TPRX1: variants seen among roughly 807,000 people sequenced by gnomAD.
TPRX1 encodes the protein tetra-peptide repeat homeobox protein 1.
Under a neutral mutation model 8.1 loss-of-function variants are expected in TPRX1, and 2 were observed. The ratio of observed to expected loss-of-function variants is 0.25; its 90% CI spans 0.10 to 0.78. The LOEUF (loss-of-function observed/expected upper bound fraction) is 0.78, where lower values mean the gene tolerates loss of function less well. TPRX1 is among the 30% of genes least tolerant of loss of function. TPRX1 has a pLI of 0.70. For synonymous variants in TPRX1, 257 were observed against 254.1 expected (o/e 1.01, Z -0.11); for missense variants, 517 against 586.9 (o/e 0.88, Z 1.23).
intron 2 of TPRX1, among the ~76,000 whole-genome samples, chr19:47,816,817 C>A (rs1018935804): frequency 2.0e-5 from 3 of 152,188 alleles, no homozygotes; most frequent in Middle Eastern, 3.2e-3. Context: ...CAGGCGTGAG[C>A]CACCACGCCC....
rs575218080 is a variant in TPRX1, at chr19:47,803,487, G to T, written c.321+17C>A. On this transcript the variant is annotated intron_variant, in intron 3 of 3. Coordinates refer to ENST00000535759, the Ensembl canonical transcript of TPRX1. ...TTGGGGTGACTGGGGCGGGCAGGGT[G>T]GGGGTGGGGGTCAGACCTGCAGCTG... 21 of 1,408,894 alleles carry T rather than the reference G, an allele frequency of 1.5e-5. No individual in the cohort carries two copies. Among genetic ancestry groups the T allele is most frequent in the South Asian group, 3.6e-5 (3 of 82,414 alleles). The allele number at this position is 1,408,894 out of a possible 1,614,324, so 87.3% of individuals were successfully genotyped here. A position where few individuals can be genotyped will look rare whatever the true frequency, so the allele number is the denominator to read the frequency against.
chr19:47,801,564 C>A, exon 4 of TPRX1: 1 of 578,130 alleles, frequency 1.7e-6, no homozygotes, highest in East Asian at 3.1e-5. Context: ...CGACTCCAAT[C>A]CCAGCAGAGA....
At chr19:47,804,643 TCC>T (rs1278423899) in intron 2 of TPRX1, among the ~76,000 whole-genome samples, 92 bp from the exon 1 acceptor site, 1 of 129,480 alleles carries the variant, frequency 7.7e-6, no homozygotes, top group Non-Finnish European at 1.6e-5. Flanking sequence ...GCCGGGACCC[TCC>T]CTTTCCCACC....
chr19:47,816,188 C>A (rs1372875936), intron 2 of TPRX1, among the ~76,000 whole-genome samples: 1 of 151,554 alleles, frequency 6.6e-6, no homozygotes, highest in Non-Finnish European at 1.5e-5. Flanking sequence ...CATGCCTCAG[C>A]CTCCTGAGTA....
chr19:47,814,771 G>A (rs1212198004), intron 2 of TPRX1, among the ~76,000 whole-genome samples: 3 of 152,074 alleles, frequency 2.0e-5, no homozygotes, highest in African/African-American at 7.2e-5. Flanking sequence ...AGTAAAACAT[G>A]AAAAAGAATT....
At chr19:47,801,797 G>A (rs767955900) in exon 4 of TPRX1, 167 of 1,613,606 alleles carry the variant, frequency 1.0e-4, no homozygotes, top group Non-Finnish European at 1.4e-4. Context: ...TAATAACCTG[G>A]GGCCTGAGTG....
chr19:47,813,188 G>A (rs1047346898), intron 2 of TPRX1, among the ~76,000 whole-genome samples: 5 of 147,022 alleles, frequency 3.4e-5, no homozygotes, highest in African/African-American at 1.3e-4. Flanking sequence ...TTAGCCAGGC[G>A]GAGTGGCGTG....
exon 4 of TPRX1, chr19:47,802,718 G>T (rs535076712): frequency 1.3e-6 from 2 of 1,592,848 alleles, no homozygotes; most frequent in South Asian, 2.3e-5. Flanking sequence ...GGCAGGGATC[G>T]GGCCAGGGCC....
intron 2 of TPRX1, among the ~76,000 whole-genome samples, chr19:47,805,127 A>C (rs1328802047): frequency 6.6e-6 from 1 of 152,236 alleles, no homozygotes; most frequent in Non-Finnish European, 1.5e-5. Context: ...AGCTTAGTAC[A>C]CATTGGCCCT....
chr19:47,801,527 A>G, exon 4 of TPRX1: 1 of 467,042 alleles, frequency 2.1e-6, no homozygotes, highest in Non-Finnish European at 3.7e-6. Context: ...AGCAGCATCC[A>G]CTAATGCCAG....
At chr19:47,802,832 G>A (rs920129369) in exon 4 of TPRX1, 4 of 1,600,252 alleles carry the variant, frequency 2.5e-6, no homozygotes, top group Non-Finnish European at 3.4e-6. Flanking sequence ...AAGGATTCCC[G>A]AGGGGCCCCG....
At chr19:47,806,998 G>A (rs908869990) in intron 2 of TPRX1, among the ~76,000 whole-genome samples, 1 of 151,152 alleles carries the variant, frequency 6.6e-6, no homozygotes, top group Non-Finnish European at 1.5e-5. Context: ...TCCATCTCCC[G>A]GGTTCAAGTG....
intron 2 of TPRX1, among the ~76,000 whole-genome samples, chr19:47,813,158 C>A (rs927703214): frequency 2.5e-5 from 3 of 119,760 alleles, no homozygotes; most frequent in Non-Finnish European, 5.5e-5. Flanking sequence ...AATAAAACAA[C>A]CCCCCCCACC....
exon 4 of TPRX1, chr19:47,802,197 G>A (rs534652658): frequency 6.2e-7 from 1 of 1,611,974 alleles, no homozygotes; most frequent in East Asian, 2.2e-5. Flanking sequence ...ATCTGGGCTG[G>A]GCTGGGAATC....
intron 2 of TPRX1, among the ~76,000 whole-genome samples, chr19:47,808,131 T>G (rs184585142): frequency 2.0e-5 from 3 of 152,228 alleles, no homozygotes; most frequent in Non-Finnish European, 1.5e-5. Flanking sequence ...TTATTTGTTT[T>G]GAGATGGAAT....
At chr19:47,806,641 A>G (rs1381773279) in intron 2 of TPRX1, among the ~76,000 whole-genome samples, 1 of 152,228 alleles carries the variant, frequency 6.6e-6, no homozygotes. Flanking sequence ...ACGTGCTACA[A>G]CATGGATGAA....
intron 2 of TPRX1, among the ~76,000 whole-genome samples, chr19:47,811,496 C>CTTTT (rs34677329): frequency 1.7e-5 from 2 of 118,502 alleles, no homozygotes; most frequent in African/African-American, 6.4e-5. Flanking sequence ...TTCATGGCAA[C>CTTTT]TTTTTTTTTT....
At chr19:47,817,818 CAT>C (rs1189505005) in intron 2 of TPRX1, among the ~76,000 whole-genome samples, 1 of 152,238 alleles carries the variant, frequency 6.6e-6, no homozygotes, top group South Asian at 2.1e-4. Context: ...AACCCAAACT[CAT>C]GTGGCTCCAT....
intron 2 of TPRX1, among the ~76,000 whole-genome samples, chr19:47,812,409 C>G (rs1967792015): frequency 6.6e-6 from 1 of 151,700 alleles, no homozygotes; most frequent in Non-Finnish European, 1.5e-5. Context: ...CCAGCCTGGG[C>G]AACATAGCGA....
Sources: gnomAD v4.1 joint callset for allele counts (sites outside exome capture counted in the v4.1 genomes callset) on GRCh38, gnomAD v4.1.1 for gene constraint, MANE v1.5 for transcripts, NCBI Gene and HGNC (gene_info 2026-07-23, HGNC 2026-07-21) for gene names.